SEPTIN8: variants seen among roughly 807,000 people sequenced by gnomAD.
SEPTIN8 encodes septin-8.
Under a neutral mutation model 53.1 loss-of-function variants are expected in SEPTIN8, and 22 were observed. That is an observed-to-expected ratio of 0.41 (90% CI 0.30 to 0.59). The LOEUF (loss-of-function observed/expected upper bound fraction) is 0.59, where lower values mean the gene tolerates loss of function less well. SEPTIN8 is among the 20% of genes least tolerant of loss of function. SEPTIN8 has a pLI of 0.24. For synonymous variants in SEPTIN8, 228 were observed against 248.4 expected (o/e 0.92, Z 0.77); for missense variants, 536 against 638.7 (o/e 0.84, Z 1.73).
Position 132,764,359 on chromosome 5 carries a change from G to A in SEPTIN8, c.212C>T (p.Thr71Ile), listed in dbSNP as rs1290058992. 1 of 1,614,082 alleles carries A rather than the reference G, an allele frequency of 6.2e-7. No homozygotes were observed. ...MNTLFNTTFE[T>I]EEASHHEACV... is the part of the protein sequence containing the mutation. The stretch of plus-strand genomic sequence containing the variant: ...TGCCTCATGGTGACTGGCTTCCTCA[G>A]TCTCGAAGGTCGTGTTGAAGAGTGT... The change falls in exon 3 of 10, where the codon ACT becomes ATT. Residue 71 changes from threonine to isoleucine, a missense_variant. Physicochemically the swap from Thr to Ile is moderately conservative, Grantham distance 89. This residue lies in a region of SEPTIN8 where 395 missense variants were observed against 451.8 expected (regional missense o/e 0.87). Transcript: ENST00000378719.
intron 4 of SEPTIN8, among the ~76,000 whole-genome samples, 173 bp downstream of exon 4, chr5:132,763,532 AC>A (rs1229137194): frequency 1.3e-5 from 2 of 152,262 alleles, no homozygotes; most frequent in African/African-American, 4.8e-5. Context: ...ATTGGGGGCC[AC>A]TGGAGCAGGA....
At chr5:132,757,659 T>G in intron 9 of SEPTIN8, 1 of 985,334 alleles carries the variant, frequency 1.0e-6, no homozygotes, top group Non-Finnish European at 1.2e-6. Flanking sequence ...TTCCTTTCAT[T>G]TAGTCATTTT....
intron 9 of SEPTIN8, chr5:132,756,338 T>C (rs992360088): frequency 9.9e-5 from 97 of 979,756 alleles, no homozygotes; most frequent in Non-Finnish European, 1.2e-4. Flanking sequence ...GTGTAATTAA[T>C]AGCATCCCCT....
intron 9 of SEPTIN8, chr5:132,756,378 C>T (rs1289190624): frequency 3.0e-6 from 3 of 984,414 alleles, no homozygotes; most frequent in East Asian, 1.1e-4. Context: ...ATTTGGGCAA[C>T]GAATTATATG....
intron 9 of SEPTIN8, chr5:132,757,371 A>G (rs1281317861): frequency 2.0e-6 from 2 of 985,092 alleles, no homozygotes; most frequent in Non-Finnish European, 2.4e-6. Context: ...TCACCCCTCC[A>G]CTTCTCCCTG....
Position 132,760,514 on chromosome 5 carries a change from A to T in SEPTIN8, c.1286+288T>A, listed in dbSNP as rs1755800783. Reference sequence around the variant, plus strand: ...GAGGAAGAGGAAGAAGGGGGAAGAGAAGGAGAGAAAAAGGGAGAAGGGAGA... The same window carrying T: ...GAGGAAGAGGAAGAAGGGGGAAGAGTAGGAGAGAAAAAGGGAGAAGGGAGA... On this transcript the variant is annotated intron_variant, in intron 9 of 9. Coordinates refer to ENST00000378719, the MANE Select transcript of SEPTIN8 (RefSeq NM_001098811.2). The surrounding 1 kb of genome is among the most constrained non-coding windows in gnomAD (Gnocchi z 5.2). 6.6e-6 allele frequency among the ~76,000 whole-genome samples: 1 copy of T among 152,062 alleles called. No homozygotes were observed.
intron 9 of SEPTIN8, among the ~76,000 whole-genome samples, chr5:132,755,598 T>G (rs1755253169): frequency 6.6e-6 from 1 of 152,134 alleles, no homozygotes; most frequent in African/African-American, 2.4e-5. Flanking sequence ...AGGATGAGGA[T>G]TAGAGGAGTT....
In SEPTIN8 at chr5:132,764,415, C is replaced by T. The variant is rs1756366023; in HGVS notation, c.156G>A (p.Glu52=). 6.2e-7 allele frequency: 1 copy of T among 1,611,714 alleles called. No individual in the cohort carries two copies. The highest frequency in any genetic ancestry group is 1.1e-5 in the South Asian group (1 of 90,682). The change falls in exon 3 of 10, where the codon GAG becomes GAA. Residue 52 remains glutamate (E), a synonymous_variant. Coordinates refer to ENST00000378719, the MANE Select transcript of SEPTIN8 (RefSeq NM_001098811.2). ...TCAGTGTGGATTTGCCAATGCCGGT[C>T]TCCCCTGGGCAGTGAGGACAGGAGG... is the stretch of plus-strand genomic sequence containing the variant. ...GFSFNILCVG[E]TGIGKSTLMN...
At chr5:132,775,584 CT>C (rs775716152) in intron 1 of SEPTIN8, among the ~76,000 whole-genome samples, 1 of 152,192 alleles carries the variant, frequency 6.6e-6, no homozygotes, top group Non-Finnish European at 1.5e-5. Context: ...TCCTATCAGG[CT>C]GTCTGATTCT....
upstream of SEPTIN8, chr5:132,778,187 T>A: frequency 1.6e-6 from 1 of 640,020 alleles, no homozygotes; most frequent in Non-Finnish European, 1.9e-6. Context: ...CTCTTCCCTC[T>A]GCCTTTCTCT....
chr5:132,769,811 G>A (rs1382536904), intron 1 of SEPTIN8, among the ~76,000 whole-genome samples: 1 of 151,300 alleles, frequency 6.6e-6, no homozygotes, highest in African/African-American at 2.4e-5. Context: ...TTGGCCAAGC[G>A]TGGGGGTTCC....
chr5:132,755,028 T>A (rs1755205614), intron 9 of SEPTIN8, among the ~76,000 whole-genome samples: 1 of 152,078 alleles, frequency 6.6e-6, no homozygotes, highest in South Asian at 2.1e-4. Context: ...TTGATGATGT[T>A]TCCACCACCT....
At chr5:132,757,587 C>G (rs747478324) in intron 9 of SEPTIN8, 7 of 985,314 alleles carry the variant, frequency 7.1e-6, no homozygotes, top group Non-Finnish European at 8.4e-6. Context: ...TTGAGGGGAG[C>G]GTTGTGCATT....
chr5:132,777,687 C>G (rs1229128865), upstream of SEPTIN8: 1 of 985,454 alleles, frequency 1.0e-6, no homozygotes, highest in African/African-American at 1.7e-5. This position sits in a 1 kb window ranked among gnomAD's most constrained non-coding sequence, Gnocchi z 4.1. Context: ...AGAGTGTGGA[C>G]AAGCTGCGGG....
At chr5:132,777,398 G>T (rs1229838455), upstream of SEPTIN8, 2 of 1,010,474 alleles carry the variant, frequency 2.0e-6, no homozygotes, top group Non-Finnish European at 2.4e-6. This position sits in a 1 kb window ranked among gnomAD's most constrained non-coding sequence, Gnocchi z 4.1. Flanking sequence ...GGGTCTCCGC[G>T]GCGAGGCGGG....
In SEPTIN8 at chr5:132,760,472, G is replaced by A. The variant is rs1343971816; in HGVS notation, c.1286+330C>T. On this transcript the variant is annotated intron_variant, in intron 9 of 9. Transcript: ENST00000378719. The surrounding 1 kb of genome is among the most constrained non-coding windows in gnomAD (Gnocchi z 5.2). ...CAAGGGGGCTATGGGAGAGCGAATG[G>A]GTGAGCAAGAAAGTTGGAGGAAGAG... Among the ~76,000 whole-genome samples, 1 of 152,108 alleles carries A rather than the reference G, an allele frequency of 6.6e-6. No homozygotes were observed. The highest frequency in any genetic ancestry group is 1.5e-5 in the Non-Finnish European group (1 of 68,028).
intron 1 of SEPTIN8, among the ~76,000 whole-genome samples, chr5:132,769,385 G>A (rs1756944483): frequency 6.6e-6 from 1 of 152,168 alleles, no homozygotes; most frequent in South Asian, 2.1e-4. Flanking sequence ...CTGTGTGCCA[G>A]GAACTGAGAT....
Position 132,764,571 on chromosome 5 carries a change from C to T in SEPTIN8, c.152-152G>A, listed in dbSNP as rs1756387323. ...CGCCCACCCCATCCCTCATCACCCCCATTCCCCAGGAACTATCTTTTCCTG... is the reference window on the plus strand; with the variant it reads ...CGCCCACCCCATCCCTCATCACCCCTATTCCCCAGGAACTATCTTTTCCTG... On this transcript the variant is annotated intron_variant, in intron 2 of 9. Coordinates refer to ENST00000378719, the MANE Select transcript of SEPTIN8 (RefSeq NM_001098811.2). The T allele has an allele frequency of 9.6e-6, 6 of 622,698 alleles. No individual in the cohort carries two copies. In the Admixed American group the frequency reaches 1.8e-4, roughly 19 times the overall value. 38.6% of individuals were successfully genotyped at this position (622,698 alleles called of 1,614,324 possible).
chr5:132,754,101 A>AT, intron 9 of SEPTIN8: 1 of 321,320 alleles, frequency 3.1e-6, no homozygotes, highest in Non-Finnish European at 5.8e-6. Flanking sequence ...ATACATCTGT[A>AT]TTTTTTCTTG....
Sources: gnomAD v4.1 joint callset for allele counts (sites outside exome capture counted in the v4.1 genomes callset) on GRCh38, gnomAD v4.1.1 for gene constraint, gnomAD v4.1.1 regional missense constraint, Gnocchi (gnomAD v3.1) non-coding constraint, MANE v1.5 for transcripts, NCBI Gene and HGNC (gene_info 2026-07-23, HGNC 2026-07-21) for gene names.